PCM1: variants seen among roughly 807,000 people sequenced by gnomAD.
The protein encoded by PCM1 is pericentriolar material 1 protein.
In PCM1, 157 loss-of-function variants were observed where a neutral mutation model predicts 241.9. The observed-to-expected ratio is 0.65, with a 90% CI of 0.57 to 0.74. PCM1 has a LOEUF of 0.74. Among genes scored for constraint, PCM1 ranks in the 30% least tolerant of loss-of-function variants. PCM1 has a pLI of 0.00. For synonymous variants in PCM1, 1,085 were observed against 784.9 expected (o/e 1.38, Z -6.39); for missense variants, 3,478 against 2,360.1 (o/e 1.47, Z -9.81).
chr8:17,973,438 G>A (rs1365802489), intron 23 of PCM1, among the ~76,000 whole-genome samples: 1 of 152,130 alleles, frequency 6.6e-6, no homozygotes, highest in African/African-American at 2.4e-5. Flanking sequence ...GGTGCCTAAG[G>A]CTAGTTGCGG....
At chr8:17,951,671 A>G (rs1337793427) in intron 8 of PCM1, among the ~76,000 whole-genome samples, 1 of 152,200 alleles carries the variant, frequency 6.6e-6, no homozygotes, top group Non-Finnish European at 1.5e-5. Flanking sequence ...TAATGTATGT[A>G]TACATAGGCA....
intron 13 of PCM1, 42 bp downstream of exon 13, chr8:17,957,817 G>C (rs906397156): frequency 1.1e-5 from 15 of 1,330,246 alleles, no homozygotes; most frequent in Non-Finnish European, 1.5e-5. Flanking sequence ...TTGTCAAATA[G>C]TACAGTCTTA....
In PCM1 at chr8:18,009,571, A is replaced by C. The variant is rs1240381955; in HGVS notation, c.4987A>C (p.Arg1663=). 3 of 1,601,038 alleles carry C rather than the reference A, an allele frequency of 1.9e-6. No individual in the cohort carries two copies. The South Asian group carries it at 3.4e-5, about 18-fold the overall frequency. Residue 1663 remains arginine, a synonymous_variant, in exon 31 of 39, where the codon AGA becomes CGA. Transcript: ENST00000325083. ...LQDSLAKFAG[R]KLKDCGEDLL... is the part of the protein sequence containing the mutation. ...GGATTCACTGGCAAAATTTGCTGGC[A>C]GAAAACTGAAAGACTGTGGAGAAGA...
chr8:17,966,159 C>T lies in PCM1; in HGVS notation c.3016C>T (p.Leu1006=). The T allele has an allele frequency of 1.2e-6, 2 of 1,613,878 alleles. No individual in the cohort carries two copies. Among genetic ancestry groups the T allele is most frequent in the Non-Finnish European group, 8.5e-7 (1 of 1,179,826 alleles). ...ACAATGGCAAGAACAAATCAATCAG[C>T]TAAAGAAACAGCTTGATTTTAGTGT... ...KEQWQEQINQ[L]KKQLDFSVSI... The change falls in exon 19 of 39, where the codon CTA becomes TTA. Residue 1006 remains leucine (L), a synonymous_variant. Transcript: ENST00000325083.
At chr8:17,946,863 G>GTGTT (rs1563788252) in intron 6 of PCM1, among the ~76,000 whole-genome samples, 1 of 151,650 alleles carries the variant, frequency 6.6e-6, no homozygotes, top group African/African-American at 2.4e-5. Context: ...GTGTGTGTGT[G>GTGTT]TGTGTGTGTC....
In PCM1 at chr8:18,014,789, C is replaced by T. The variant is rs375123453; in HGVS notation, c.5790C>T (p.Ser1930=). ...EVKSAQETPE[S]SLAGSPDTES... ...AATCTGCTCAGGAAACTCCTGAAAG[C>T]TCTCTGGCTGGAAGTCCTGATACTG... The change falls in exon 36 of 39, where the codon AGC becomes AGT. Residue 1930 remains serine, a synonymous_variant. Transcript: ENST00000325083. The T allele has an allele frequency of 4.6e-5, 74 of 1,607,108 alleles. No individual in the cohort carries two copies. Among genetic ancestry groups the T allele is most frequent in the Middle Eastern group, 1.6e-4 (1 of 6,084 alleles).
Position 17,955,490 on chromosome 8 carries a change from G to C in PCM1, c.1309G>C (p.Asp437His), listed in dbSNP as rs557994502. The change falls in exon 10 of 39, where the codon GAT (aspartate) becomes CAT (histidine). Residue 437 changes from aspartate (D) to histidine (H), a missense_variant. Physicochemically the swap from Asp to His is moderately conservative, Grantham distance 81. Coordinates refer to ENST00000325083, the MANE Select transcript of PCM1 (RefSeq NM_006197.4). ...TTCAGCCTCTCCACAAAGGAGTGTC[G>C]ATCAGAGAAGTACTTCAGCTCCCTC... ...NSSSSPQRSV[D>H]QRSTSAPSAS... is the part of the protein sequence containing the mutation. The C allele has an allele frequency of 8.1e-6, 13 of 1,609,968 alleles. No homozygotes were observed. The highest frequency in any genetic ancestry group is 1.1e-5 in the Non-Finnish European group (13 of 1,178,362).
intron 29 of PCM1, 119 bp downstream of exon 29, chr8:17,993,738 A>C (rs1384497626): frequency 1.2e-6 from 1 of 817,864 alleles, no homozygotes; most frequent in African/African-American, 1.8e-5. Flanking sequence ...AAAAACTATC[A>C]CCCATAATTT....
Position 18,029,501 on chromosome 8 carries a change from T to C in PCM1, c.*1839T>C, listed in dbSNP as rs2094409746. 1 of 215,042 alleles carries C rather than the reference T, an allele frequency of 4.7e-6. No individual in the cohort carries two copies. The highest frequency in any genetic ancestry group is 1.9e-4 in the South Asian group (1 of 5,402). 13.3% of individuals were successfully genotyped at this position (215,042 alleles called of 1,614,324 possible). ...CTTACATACTGTGTTTCTCTCTCTG[T>C]CTGCATGCATATTAAAGTGGAAAAA... On this transcript the variant is annotated 3_prime_UTR_variant, in exon 39 of 39. Coordinates refer to ENST00000325083, the MANE Select transcript of PCM1 (RefSeq NM_006197.4).
At chr8:18,009,202 A>G (rs879679583) in intron 30 of PCM1, among the ~76,000 whole-genome samples, 1 of 152,196 alleles carries the variant, frequency 6.6e-6, no homozygotes, top group Admixed American at 6.5e-5. Flanking sequence ...TTTTCCTTTC[A>G]TAGCACTTAG....
intron 38 of PCM1, among the ~76,000 whole-genome samples, chr8:18,027,036 G>C (rs1227711442): frequency 6.6e-6 from 1 of 152,144 alleles, no homozygotes; most frequent in Non-Finnish European, 1.5e-5. Flanking sequence ...AATGTTTCTT[G>C]CATCAGGATC....
intron 18 of PCM1, 56 bp from the exon 19 acceptor site, chr8:17,965,943 A>T: frequency 7.6e-7 from 1 of 1,309,916 alleles, no homozygotes. Context: ...TTATTGCTGT[A>T]TTTTAAAAAC....
At position 17,939,900 on chromosome 8, in the gene PCM1, A is replaced by G. The variant is rs2285303; in HGVS notation, c.783+39A>G. ...TTTTAAAATAACATATTATTTTTGT[A>G]GTATCTCAGTGTGTATTTACTGATG... On this transcript the variant is annotated intron_variant, in intron 6 of 38. Transcript: ENST00000325083. 913,599 of 1,288,894 alleles carry G rather than the reference A, an allele frequency of 0.71. 329,843 individuals carry two copies. The highest frequency in any genetic ancestry group is 0.75 in the Non-Finnish European group (699,123 of 928,654). The allele number at this position is 1,288,894 out of a possible 1,614,324, so 79.8% of individuals were successfully genotyped here.
At chr8:18,000,630 G>C (rs1385390307) in intron 29 of PCM1, among the ~76,000 whole-genome samples, 1 of 150,398 alleles carries the variant, frequency 6.6e-6, no homozygotes, top group Non-Finnish European at 1.5e-5. Flanking sequence ...TTTGAGGGGG[G>C]TGGGGTTTGA....
rs189464834 is a variant in PCM1 at position 17,955,411 on chromosome 8, G to A, written c.1289-59G>A. The stretch of plus-strand genomic sequence containing the variant: ...TTTTCAATATCCAAGCCAACTGTAT[G>A]TGTTTGTTTATGGTAACTGGTGATT... On this transcript the variant is annotated intron_variant, in intron 9 of 38. Coordinates refer to ENST00000325083, the MANE Select transcript of PCM1 (RefSeq NM_006197.4). 2.0e-5 allele frequency: 23 copies of A among 1,178,922 alleles called. No individual in the cohort carries two copies. The African/African-American group carries it at 2.6e-4, about 13-fold the overall frequency. The allele number at this position is 1,178,922 out of a possible 1,614,324, so 73.0% of individuals were successfully genotyped here.
intron 24 of PCM1, among the ~76,000 whole-genome samples, chr8:17,981,240 C>G (rs1339297373): frequency 6.6e-6 from 1 of 152,158 alleles, no homozygotes; most frequent in East Asian, 1.9e-4. Flanking sequence ...GTATAGCTAT[C>G]ACATTCTTTC....
At chr8:18,009,235 T>A (rs1392162998) in intron 30 of PCM1, among the ~76,000 whole-genome samples, 1 of 152,220 alleles carries the variant, frequency 6.6e-6, no homozygotes, top group Non-Finnish European at 1.5e-5. Flanking sequence ...TAGTATATAT[T>A]GTATCTCCTG....
chr8:17,966,110 G>T lies in PCM1; in HGVS notation c.2967G>T (p.Glu989Asp), dbSNP rs772187954. 6.2e-7 allele frequency: 1 copy of T among 1,613,232 alleles called. No homozygotes were observed. Among genetic ancestry groups the T allele is most frequent in the Admixed American group, 1.7e-5 (1 of 60,004 alleles). Residue 989 changes from glutamate to aspartate, a missense_variant, in exon 19 of 39, where the codon GAG becomes GAT. Coordinates refer to ENST00000325083, the MANE Select transcript of PCM1 (RefSeq NM_006197.4). ...QRQENLRWVSELSYVEEKEQW... is the reference protein window; with the variant it reads ...QRQENLRWVSDLSYVEEKEQW... Reference sequence around the variant, plus strand: ...AAGAAAACCTTCGTTGGGTGTCAGAGCTCTCTTACGTAGAAGAGAAAGAAC... The same window carrying T: ...AAGAAAACCTTCGTTGGGTGTCAGATCTCTCTTACGTAGAAGAGAAAGAAC...
At chr8:17,975,769 T>C (rs980441110) in intron 23 of PCM1, among the ~76,000 whole-genome samples, 7 of 152,196 alleles carry the variant, frequency 4.6e-5, no homozygotes, top group African/African-American at 1.7e-4. Flanking sequence ...TTGTTTCCCA[T>C]GATGGTAATG....
Sources: allele counts gnomAD v4.1 joint callset (sites outside exome capture counted in the v4.1 genomes callset), GRCh38; gene constraint gnomAD v4.1.1; transcripts MANE v1.5; gene names NCBI Gene and HGNC (gene_info 2026-07-23, HGNC 2026-07-21).